The following NTN4 variants were observed in gnomAD, a reference collection of about 807,000 sequenced individuals.
The protein encoded by NTN4 is netrin-4.
A neutral mutation model predicts 73.6 loss-of-function variants in NTN4; 32 were observed. That is an observed-to-expected ratio of 0.44 (90% CI 0.33 to 0.58). The LOEUF is 0.58. NTN4 is among the 20% of genes least tolerant of loss of function. The pLI is 0.04. For missense variants in NTN4, 654 were observed against 798.3 expected (o/e 0.82, Z 2.18); for synonymous variants, 258 against 287.5 (o/e 0.90, Z 1.04).
At position 95,786,816 on chromosome 12, in the gene NTN4, C is replaced by A; in HGVS notation, c.585+123G>T. The A allele has an allele frequency of 1.2e-5, 9 of 760,004 alleles. No individual in the cohort carries two copies. The South Asian group carries it at 1.7e-4, about 15-fold the overall frequency. 47.1% of individuals were successfully genotyped at this position (760,004 alleles called of 1,614,324 possible). A position where few individuals can be genotyped will look rare whatever the true frequency, so the allele number is the denominator to read the frequency against. On this transcript the variant is annotated intron_variant, in intron 2 of 9. Transcript: ENST00000343702. ...AAGAAATAATTTATGACAAATAAAT[C>A]TCATGAAAAATTCTAATTTCATTCA...
intron 3 of NTN4, among the ~76,000 whole-genome samples, chr12:95,731,182 A>G (rs572444808): frequency 1.3e-5 from 2 of 152,326 alleles, no homozygotes; most frequent in East Asian, 3.9e-4. Flanking sequence ...GAGGACTTGG[A>G]TAGTTTACCT....
intron 6 of NTN4, among the ~76,000 whole-genome samples, chr12:95,683,171 T>C (rs1376077253): frequency 6.6e-6 from 1 of 152,210 alleles, no homozygotes; most frequent in Non-Finnish European, 1.5e-5. Flanking sequence ...GCGATTCTGC[T>C]GCCTCAGCCT....
Position 95,722,292 on chromosome 12 carries a change from T to C in NTN4, c.865-8954A>G, listed in dbSNP as rs541889899. On this transcript the variant is annotated intron_variant, in intron 3 of 9. Coordinates refer to ENST00000343702, the MANE Select transcript of NTN4 (RefSeq NM_021229.4). Reference sequence around the variant, plus strand: ...GCGCAGCTTGGCCTTTTCAAATAAATCACAAAACACGTTTGAGTTTAAAAA... The same window carrying C: ...GCGCAGCTTGGCCTTTTCAAATAAACCACAAAACACGTTTGAGTTTAAAAA... Among the ~76,000 whole-genome samples the C allele has an allele frequency of 5.9e-5, 9 of 152,264 alleles. No individual in the cohort carries two copies. The East Asian group carries it at 1.7e-3, about 29-fold the overall frequency.
At chr12:95,695,914 C>G (rs1009738772) in intron 5 of NTN4, among the ~76,000 whole-genome samples, 2 of 144,696 alleles carry the variant, frequency 1.4e-5, no homozygotes, top group Non-Finnish European at 3.0e-5. Flanking sequence ...CTCCCTTCCT[C>G]CCTCCCTCCC....
intron 2 of NTN4, among the ~76,000 whole-genome samples, chr12:95,759,710 C>T (rs2078972844): frequency 6.6e-6 from 1 of 152,078 alleles, no homozygotes; most frequent in Admixed American, 6.5e-5. Flanking sequence ...GATCCACCTG[C>T]CTCAGTCTCC....
chr12:95,676,595 C>T (rs1288634581), intron 7 of NTN4, among the ~76,000 whole-genome samples: 2 of 151,766 alleles, frequency 1.3e-5, no homozygotes, highest in Admixed American at 1.3e-4. Context: ...AAATGTATAA[C>T]CTTAAGAGTA....
intron 5 of NTN4, among the ~76,000 whole-genome samples, chr12:95,705,337 A>G (rs1340816553): frequency 2.0e-5 from 3 of 152,128 alleles, no homozygotes; most frequent in African/African-American, 7.2e-5. Flanking sequence ...ACATGGACTG[A>G]TTATCAACTA....
At chr12:95,727,926 G>A (rs1183440707) in intron 3 of NTN4, among the ~76,000 whole-genome samples, 1 of 152,094 alleles carries the variant, frequency 6.6e-6, no homozygotes, top group Non-Finnish European at 1.5e-5. Context: ...TCTAATTAAT[G>A]CATGAAGTCA....
intron 2 of NTN4, among the ~76,000 whole-genome samples, chr12:95,751,396 T>C (rs1014307856): frequency 2.0e-5 from 3 of 152,226 alleles, no homozygotes; most frequent in Admixed American, 1.3e-4. Context: ...TCCAAACGCC[T>C]GAACCGCAGC....
Position 95,710,574 on chromosome 12 carries a change from C to T in NTN4, c.1047G>A (p.Glu349=). Residue 349 remains glutamate, a synonymous_variant, in exon 5 of 10, where the codon GAG becomes GAA. Coordinates refer to ENST00000343702, the MANE Select transcript of NTN4 (RefSeq NM_021229.4). ...CACCACCACTACGATTCCCTGATGC[C>T]TCCCACACATTAACGTCGAAGTGAC... is the stretch of plus-strand genomic sequence containing the variant. ...DTCHFDVNVW[E]ASGNRSGGVC... is the part of the protein sequence containing the mutation. 6.2e-7 allele frequency: 1 copy of T among 1,614,152 alleles called. No individual in the cohort carries two copies. Among genetic ancestry groups the T allele is most frequent in the Non-Finnish European group, 8.5e-7 (1 of 1,180,016 alleles).
rs995430740 is a variant in NTN4 at position 95,741,532 on chromosome 12, C to T, written c.586-3388G>A. Among the ~76,000 whole-genome samples the T allele has an allele frequency of 2.3e-3, 312 of 134,086 alleles. 1 individual carries two copies. Among genetic ancestry groups the T allele is most frequent in the African/African-American group, 8.2e-3 (302 of 36,742 alleles). The allele number at this position is 134,086 out of a possible 152,430, so 88.0% of individuals were successfully genotyped here. On this transcript the variant is annotated intron_variant, in intron 2 of 9. Transcript: ENST00000343702. ...CCTCTTGATGAAGTGACTGTTTTATCTATGTATGTCCCTTTTTATCCTTGG... is the reference window on the plus strand; with the variant it reads ...CCTCTTGATGAAGTGACTGTTTTATTTATGTATGTCCCTTTTTATCCTTGG...
chr12:95,700,808 T>C (rs1191349178), intron 5 of NTN4, among the ~76,000 whole-genome samples: 1 of 130,700 alleles, frequency 7.7e-6, no homozygotes, highest in Non-Finnish European at 1.6e-5. Flanking sequence ...TTTTCTTTCT[T>C]TCTTTCTTTT....
chr12:95,682,674 T>C (rs2120988204), intron 7 of NTN4, 33 bp downstream of exon 7: 1 of 1,477,238 alleles, frequency 6.8e-7, no homozygotes, highest in Non-Finnish European at 9.5e-7. Flanking sequence ...AGACCAGACC[T>C]GAAAATATGA....
At chr12:95,691,888 T>C (rs935726211) in intron 5 of NTN4, among the ~76,000 whole-genome samples, 16 of 152,184 alleles carry the variant, frequency 1.1e-4, no homozygotes, top group African/African-American at 3.9e-4. Flanking sequence ...CATTCATCAC[T>C]GGAGTCATCA....
At chr12:95,684,401 C>T (rs766206229) in intron 5 of NTN4, among the ~76,000 whole-genome samples, 24 of 151,964 alleles carry the variant, frequency 1.6e-4, no homozygotes, top group Non-Finnish European at 2.2e-4. Flanking sequence ...TGAGCTCAAG[C>T]GATCCTCCTG....
chr12:95,790,352 AG>A lies in NTN4; in HGVS notation c.-44del, dbSNP rs1411072782. On this transcript the variant is annotated 5_prime_UTR_variant, in exon 1 of 10. Transcript: ENST00000343702. This position sits in a 1 kb window ranked among gnomAD's most constrained non-coding sequence, Gnocchi z 6.5. ...AGCAGCCGGGCCGGGCGGGTGCCGG[AG>A]GGAGCCGAGACCTCTGGGCTGCGGG... is the stretch of plus-strand genomic sequence containing the variant. 18 of 1,496,722 alleles carry A rather than the reference AG, an allele frequency of 1.2e-5. No individual in the cohort carries two copies. Among genetic ancestry groups the A allele is most frequent in the Non-Finnish European group, 1.6e-5 (18 of 1,117,230 alleles). The allele number at this position is 1,496,722 out of a possible 1,614,324, so 92.7% of individuals were successfully genotyped here.
chr12:95,684,475 A>ATT (rs200316814), intron 5 of NTN4, among the ~76,000 whole-genome samples: 8 of 148,480 alleles, frequency 5.4e-5, no homozygotes, highest in Admixed American at 1.3e-4. Context: ...CTTAAAAAAA[A>ATT]TTTTTTTTTT....
At chr12:95,768,519 C>A (rs1469497469) in intron 2 of NTN4, among the ~76,000 whole-genome samples, 1 of 151,852 alleles carries the variant, frequency 6.6e-6, no homozygotes, top group African/African-American at 2.4e-5. Context: ...CCCAACAGAT[C>A]CAGCTAGAGG....
chr12:95,722,323 T>G (rs1448738648), intron 3 of NTN4, among the ~76,000 whole-genome samples: 1 of 152,156 alleles, frequency 6.6e-6, no homozygotes, highest in Non-Finnish European at 1.5e-5. Context: ...AAAAATAGTG[T>G]TGATAACATA....
Sources: gnomAD v4.1 joint callset for allele counts (sites outside exome capture counted in the v4.1 genomes callset) on GRCh38, gnomAD v4.1.1 for gene constraint, Gnocchi (gnomAD v3.1) non-coding constraint, MANE v1.5 for transcripts, NCBI Gene and HGNC (gene_info 2026-07-23, HGNC 2026-07-21) for gene names.